The following ADGRB3 variants were observed in gnomAD, a reference collection of about 807,000 sequenced individuals.
ADGRB3 encodes brain-specific angiogenesis inhibitor 3.
ADGRB3 carries 37 observed loss-of-function variants against 193.4 expected under a neutral mutation model. That is an observed-to-expected ratio of 0.19 (90% CI 0.15 to 0.25). The LOEUF (loss-of-function observed/expected upper bound fraction) is 0.25. ADGRB3 is among the 10% of genes least tolerant of loss of function. ADGRB3 has a pLI of 1.00. For missense variants in ADGRB3, 1,637 were observed against 1,852.9 expected, an observed-to-expected ratio of 0.88 and a Z score of 2.14; for synonymous variants, 690 against 644.2, an observed-to-expected ratio of 1.07 and a Z score of -1.08.
intron 17 of ADGRB3, among the ~76,000 whole-genome samples, chr6:69,142,107 C>A (rs982883549): frequency 1.3e-5 from 2 of 152,170 alleles, no homozygotes; most frequent in Admixed American, 1.3e-4. Context: ...TTGATCTTAA[C>A]TTTGGCACTT....
intron 3 of ADGRB3, among the ~76,000 whole-genome samples, chr6:68,872,095 A>G (rs1327376972): frequency 6.6e-6 from 1 of 152,210 alleles, no homozygotes; most frequent in African/African-American, 2.4e-5. Flanking sequence ...GTGTGTAAAC[A>G]GACATGTAAG....
chr6:69,048,976 A>G (rs1416631272), intron 14 of ADGRB3, among the ~76,000 whole-genome samples: 1 of 130,572 alleles, frequency 7.7e-6, no homozygotes, highest in East Asian at 2.1e-4. Context: ...TAAAAATCCA[A>G]AAGAGAATTG....
intron 10 of ADGRB3, 93 bp from the exon 11 acceptor site, chr6:68,993,675 T>C (rs1769303261): frequency 1.5e-6 from 2 of 1,313,910 alleles, no homozygotes; most frequent in Admixed American, 2.2e-5. Context: ...TTTAAGTTAA[T>C]TGAGCAATTT....
At chr6:68,868,951 G>GTGTGCGTGTGTT (rs781022363) in intron 3 of ADGRB3, among the ~76,000 whole-genome samples, 72 of 150,500 alleles carry the variant, frequency 4.8e-4, no homozygotes, top group African/African-American at 1.8e-3. Flanking sequence ...GAGTGTGTGT[G>GTGTGCGTGTGTT]TTTAAACTTA....
At chr6:69,210,711 A>G (rs1409708915) in intron 17 of ADGRB3, among the ~76,000 whole-genome samples, 2 of 152,136 alleles carry the variant, frequency 1.3e-5, no homozygotes, top group African/African-American at 4.8e-5. Flanking sequence ...TAAAGGTCCC[A>G]TCTCTCAACA....
At chr6:69,267,637 AG>A (rs1767077611) in intron 20 of ADGRB3, among the ~76,000 whole-genome samples, 1 of 152,172 alleles carries the variant, frequency 6.6e-6, no homozygotes, top group South Asian at 2.1e-4. Flanking sequence ...AAATGACCAT[AG>A]GGAATTAGAT....
At chr6:69,138,359 T>G (rs994332367) in intron 17 of ADGRB3, among the ~76,000 whole-genome samples, 4 of 152,350 alleles carry the variant, frequency 2.6e-5, no homozygotes, top group South Asian at 2.1e-4. Flanking sequence ...ATTCCCAAGC[T>G]GTTTTGTGGC....
At chr6:69,364,932 A>C (rs1769536972) in intron 29 of ADGRB3, among the ~76,000 whole-genome samples, 1 of 152,114 alleles carries the variant, frequency 6.6e-6, no homozygotes, top group African/African-American at 2.4e-5. Flanking sequence ...GAGGACTATA[A>C]AATCTAATTT....
At chr6:69,191,788 G>C (rs1765193561) in intron 17 of ADGRB3, among the ~76,000 whole-genome samples, 1 of 152,134 alleles carries the variant, frequency 6.6e-6, no homozygotes, top group Non-Finnish European at 1.5e-5. Flanking sequence ...AGATTAAGTA[G>C]AGGGAGTGGG....
chr6:68,933,481 T>C (rs1414320001), intron 4 of ADGRB3, among the ~76,000 whole-genome samples: 2 of 152,130 alleles, frequency 1.3e-5, no homozygotes, highest in Non-Finnish European at 2.9e-5. Context: ...TAATCTCAGC[T>C]ACTCAGGAGG....
intron 3 of ADGRB3, among the ~76,000 whole-genome samples, chr6:68,733,989 G>T (rs1477298600): frequency 1.3e-5 from 2 of 151,864 alleles, no homozygotes; most frequent in Admixed American, 6.6e-5. Context: ...GTATATACCT[G>T]CTACGTATGC....
At chr6:68,890,073 C>A (rs981572873) in intron 3 of ADGRB3, among the ~76,000 whole-genome samples, 1 of 152,224 alleles carries the variant, frequency 6.6e-6, no homozygotes, top group Non-Finnish European at 1.5e-5. Flanking sequence ...ATTTTCTGTA[C>A]ATTGTATGAT....
At chr6:68,652,358 A>T (rs1361334210) in intron 3 of ADGRB3, among the ~76,000 whole-genome samples, 1 of 152,170 alleles carries the variant, frequency 6.6e-6, no homozygotes, top group East Asian at 1.9e-4. Flanking sequence ...CTTGTGAAAT[A>T]ACAGATCTGC....
intron 3 of ADGRB3, among the ~76,000 whole-genome samples, chr6:68,716,808 G>T (rs1765496858): frequency 6.6e-6 from 1 of 151,710 alleles, no homozygotes; most frequent in South Asian, 2.1e-4. Flanking sequence ...GTGATTTGTG[G>T]AGAGTCTGCA....
intron 3 of ADGRB3, among the ~76,000 whole-genome samples, chr6:68,845,639 G>C (rs1341721481): frequency 6.6e-6 from 1 of 152,120 alleles, no homozygotes; most frequent in Non-Finnish European, 1.5e-5. Context: ...GGGTTTATCA[G>C]GTGTTTCTGC....
At chr6:69,297,880 T>A (rs903972035) in intron 20 of ADGRB3, among the ~76,000 whole-genome samples, 1 of 151,994 alleles carries the variant, frequency 6.6e-6, no homozygotes, top group Non-Finnish European at 1.5e-5. Flanking sequence ...CTCCCTTACA[T>A]AGAGAGAGAA....
intron 20 of ADGRB3, among the ~76,000 whole-genome samples, chr6:69,300,067 T>A (rs752072168): frequency 2.3e-4 from 35 of 151,724 alleles, no homozygotes; most frequent in Non-Finnish European, 4.9e-4. Flanking sequence ...GATGCAAAAG[T>A]TCTCAAAAAT....
chr6:68,729,351 C>A (rs1247741835), intron 3 of ADGRB3, among the ~76,000 whole-genome samples: 2 of 151,558 alleles, frequency 1.3e-5, no homozygotes, highest in African/African-American at 2.4e-5. Context: ...ACATAAAATT[C>A]TTTCTAAATG....
At chr6:69,232,436 A>G in intron 17 of ADGRB3, 1 of 1,493,162 alleles carries the variant, frequency 6.7e-7, no homozygotes. Context: ...TGGCTACACC[A>G]AAGAGAAAAT....
Sources: allele counts gnomAD v4.1 joint callset (sites outside exome capture counted in the v4.1 genomes callset), GRCh38; gene constraint gnomAD v4.1.1; transcripts MANE v1.5; gene names NCBI Gene and HGNC (gene_info 2026-07-23, HGNC 2026-07-21).